SPATA16: variants seen among roughly 807,000 people sequenced by gnomAD.
SPATA16 encodes spermatogenesis associated 16.
SPATA16 carries 36 observed loss-of-function variants against 63.3 expected under a neutral mutation model. The ratio of observed to expected loss-of-function variants is 0.57; its 90% confidence interval spans 0.44 to 0.75. The LOEUF is 0.75. SPATA16 is among the 30% of genes least tolerant of loss of function. SPATA16 has a pLI of 0.00. For synonymous variants in SPATA16, 203 were observed against 216.7 expected (o/e 0.94, Z 0.56); for missense variants, 646 against 679.3 (o/e 0.95, Z 0.54).
At chr3:172,994,619 T>C (rs73175096) in intron 4 of SPATA16, among the ~76,000 whole-genome samples, 8,528 of 152,226 alleles carry the variant, frequency 0.056, 351 homozygotes, top group Non-Finnish European at 0.084. Flanking sequence ...AGATAATTTT[T>C]AATTTTTTCT....
At chr3:172,920,102 A>C (rs1001374587) in intron 8 of SPATA16, among the ~76,000 whole-genome samples, 1 of 152,214 alleles carries the variant, frequency 6.6e-6, no homozygotes, top group East Asian at 1.9e-4. Context: ...AAAGAGATGT[A>C]ATATGATTTA....
intron 4 of SPATA16, among the ~76,000 whole-genome samples, chr3:173,004,864 A>C (rs1373304207): frequency 6.6e-6 from 1 of 152,350 alleles, no homozygotes; most frequent in East Asian, 1.9e-4. Flanking sequence ...AAACTCAGAG[A>C]TTTAGATCTA....
chr3:172,899,255 T>G (rs1316810417), intron 10 of SPATA16, among the ~76,000 whole-genome samples: 2 of 152,048 alleles, frequency 1.3e-5, no homozygotes, highest in Non-Finnish European at 2.9e-5. Flanking sequence ...ACTGTGGACA[T>G]GTCTATTTTT....
intron 2 of SPATA16, among the ~76,000 whole-genome samples, chr3:173,097,483 G>A (rs1254753826): frequency 6.6e-6 from 1 of 152,194 alleles, no homozygotes; most frequent in Admixed American, 6.6e-5. Context: ...TCGTTTTGCT[G>A]TAGCACCTCA....
intron 4 of SPATA16, among the ~76,000 whole-genome samples, chr3:173,002,651 T>A (rs1734851578): frequency 1.3e-5 from 2 of 152,196 alleles, no homozygotes; most frequent in Non-Finnish European, 2.9e-5. Context: ...TTGGAGAGAT[T>A]TGCTTTGCCA....
At chr3:173,007,193 G>A (rs1383891362) in intron 4 of SPATA16, among the ~76,000 whole-genome samples, 2 of 152,166 alleles carry the variant, frequency 1.3e-5, no homozygotes, top group African/African-American at 4.8e-5. Context: ...GACTGCATGA[G>A]ATGTTTTGAG....
intron 2 of SPATA16, among the ~76,000 whole-genome samples, chr3:173,084,361 G>A (rs567380468): frequency 6.6e-6 from 1 of 152,010 alleles, no homozygotes; most frequent in African/African-American, 2.4e-5. Flanking sequence ...TTTTTAATAG[G>A]GTTGTTTGTT....
chr3:173,018,842 C>T (rs2108276037), intron 4 of SPATA16, among the ~76,000 whole-genome samples: 1 of 152,238 alleles, frequency 6.6e-6, no homozygotes, highest in South Asian at 2.1e-4. Context: ...GCTCATGGAA[C>T]AGAAGAGGAG....
At chr3:172,919,728 A>G (rs903844231) in intron 8 of SPATA16, among the ~76,000 whole-genome samples, 7 of 149,456 alleles carry the variant, frequency 4.7e-5, no homozygotes, top group Admixed American at 1.3e-4. Context: ...CACAGGCTGG[A>G]GTGCAGTGGT....
chr3:172,992,402 C>T (rs924068673), intron 4 of SPATA16, among the ~76,000 whole-genome samples: 6 of 151,548 alleles, frequency 4.0e-5, no homozygotes, highest in Non-Finnish European at 7.4e-5. Flanking sequence ...AAGAAAGAAA[C>T]CATACCAGTT....
chr3:172,946,815 C>T (rs775278846), intron 6 of SPATA16, among the ~76,000 whole-genome samples: 19 of 152,140 alleles, frequency 1.2e-4, no homozygotes, highest in Admixed American at 2.0e-4. Context: ...TCACCACCTG[C>T]GGACTGAACA....
chr3:173,100,688 A>C (rs1474886112), intron 2 of SPATA16, among the ~76,000 whole-genome samples: 1 of 150,632 alleles, frequency 6.6e-6, no homozygotes, highest in Non-Finnish European at 1.5e-5. Flanking sequence ...ACACACACAC[A>C]CACACACACA....
chr3:172,892,112 A>T lies in SPATA16; in HGVS notation c.1588-2420T>A, dbSNP rs117704758. On this transcript the variant is annotated intron_variant, in intron 10 of 10. Coordinates refer to ENST00000351008, the MANE Select transcript of SPATA16 (RefSeq NM_031955.6). ...TTAAGTCATGCCTGGAATGAGGGAT[A>T]TCAGAAGGCATTCTTTTCTTCTATA... Among the ~76,000 whole-genome samples, 133 of 152,322 alleles carry T rather than the reference A, an allele frequency of 8.7e-4. 3 individuals carry two copies. The East Asian group carries it at 0.018, about 21-fold the overall frequency.
chr3:173,123,497 G>C (rs1184098352), intron 1 of SPATA16, among the ~76,000 whole-genome samples: 1 of 151,616 alleles, frequency 6.6e-6, no homozygotes, highest in African/African-American at 2.4e-5. Flanking sequence ...TGACTTTACT[G>C]CTGCTTTACT....
In SPATA16 at chr3:173,037,306, A is replaced by G. The variant is rs910463703; in HGVS notation, c.758+11643T>C. Among the ~76,000 whole-genome samples, 6 of 152,064 alleles carry G rather than the reference A, an allele frequency of 3.9e-5. No individual in the cohort carries two copies. In the East Asian group the frequency reaches 9.6e-4, roughly 24 times the overall value. On this transcript the variant is annotated intron_variant, in intron 3 of 10. Transcript: ENST00000351008. ...ATTTTCACATTATTTTCTTTCCACA[A>G]AAACCAAGAACTACTTTCCCAGAGC...
At chr3:173,004,142 A>G (rs1734888032) in intron 4 of SPATA16, among the ~76,000 whole-genome samples, 1 of 152,212 alleles carries the variant, frequency 6.6e-6, no homozygotes, top group East Asian at 1.9e-4. Context: ...TTATGTGCAT[A>G]ATAGTGTGAT....
chr3:173,056,087 TAAG>T (rs1250453015), intron 2 of SPATA16, among the ~76,000 whole-genome samples: 1 of 152,208 alleles, frequency 6.6e-6, no homozygotes, highest in African/African-American at 2.4e-5. Flanking sequence ...ATTTCTATAA[TAAG>T]GAGTAACAAC....
chr3:172,978,759 G>T (rs1041438102), intron 4 of SPATA16, among the ~76,000 whole-genome samples: 1 of 152,218 alleles, frequency 6.6e-6, no homozygotes, highest in Non-Finnish European at 1.5e-5. Context: ...TGTGGGCCAT[G>T]TGGTTTAACA....
intron 6 of SPATA16, among the ~76,000 whole-genome samples, chr3:172,945,636 A>C (rs1320607283): frequency 6.6e-6 from 1 of 152,122 alleles, no homozygotes; most frequent in East Asian, 1.9e-4. Context: ...GCCTTGTCAC[A>C]ATGGAAAGCA....
Sources: gnomAD v4.1 joint callset for allele counts (sites outside exome capture counted in the v4.1 genomes callset) on GRCh38, gnomAD v4.1.1 for gene constraint, MANE v1.5 for transcripts, NCBI Gene and HGNC (gene_info 2026-07-23, HGNC 2026-07-21) for gene names.